SLA: variants seen among roughly 807,000 people sequenced by gnomAD.
The protein encoded by SLA is Src like adaptor, also known as src-like-adapter.
A neutral mutation model predicts 30.3 loss-of-function variants in SLA; 16 were observed. That is an observed-to-expected ratio of 0.53 (90% CI 0.36 to 0.80). The LOEUF (loss-of-function observed/expected upper bound fraction) is 0.80, where lower values mean the gene tolerates loss of function less well. Among genes scored for constraint, SLA ranks in the 30% least tolerant of loss-of-function variants. The pLI is 0.01. For synonymous variants in SLA, 143 were observed against 137.8 expected (o/e 1.04, Z -0.26); for missense variants, 310 against 345.2 (o/e 0.90, Z 0.81).
rs1463704099 is a variant in SLA, at chr8:133,037,936, G to T, written c.*588C>A. The T allele has an allele frequency of 6.5e-6, 1 of 153,336 alleles. No homozygotes were observed. The highest frequency in any genetic ancestry group is 1.5e-5 in the Non-Finnish European group (1 of 68,962). The allele number at this position is 153,336 out of a possible 1,614,324, so 9.5% of individuals were successfully genotyped here. On this transcript the variant is annotated 3_prime_UTR_variant, in exon 9 of 9. Transcript: ENST00000338087. Reference sequence around the variant, plus strand: ...GCTTTGGTGCAGGAGCAGACCAAAGGTATCTCCCAATTGAAGGCTAAGAAG... The same window carrying T: ...GCTTTGGTGCAGGAGCAGACCAAAGTTATCTCCCAATTGAAGGCTAAGAAG...
chr8:133,060,064 C>G, intron 3 of SLA, 36 bp downstream of exon 3: 1 of 1,547,042 alleles, frequency 6.5e-7, no homozygotes, highest in South Asian at 1.3e-5. Flanking sequence ...TCTTGTAGCA[C>G]AGACTCAAGC....
chr8:133,094,840 G>A (rs886108128), intron 1 of SLA: 7 of 685,564 alleles, frequency 1.0e-5, no homozygotes, highest in African/African-American at 8.8e-5. Context: ...CTGAGGCCTA[G>A]AGAGACATCT....
intron 2 of SLA, among the ~76,000 whole-genome samples, chr8:133,072,047 C>A (rs939344364): frequency 6.6e-6 from 1 of 152,154 alleles, no homozygotes; most frequent in East Asian, 1.9e-4. Context: ...AGCTATTTTG[C>A]CCCTAAGCAC....
intron 1 of SLA, among the ~76,000 whole-genome samples, chr8:133,090,879 C>G (rs549632983): frequency 6.6e-6 from 1 of 152,248 alleles, no homozygotes; most frequent in East Asian, 1.9e-4. Flanking sequence ...CCCGCACCCC[C>G]CGGGAACAGA....
chr8:133,039,873 G>T, intron 8 of SLA, 125 bp downstream of exon 8: 1 of 1,456,336 alleles, frequency 6.9e-7, no homozygotes, highest in Non-Finnish European at 9.1e-7. Flanking sequence ...TTTCAGCAGG[G>T]CTGGCTGACT....
chr8:133,096,119 T>A (rs1848370857), intron 1 of SLA: 3 of 1,503,624 alleles, frequency 2.0e-6, no homozygotes, highest in South Asian at 2.3e-5. Flanking sequence ...TAACCAGTAT[T>A]GGCATTCAGT....
chr8:133,089,087 C>T (rs546580628), intron 1 of SLA, among the ~76,000 whole-genome samples: 2 of 152,272 alleles, frequency 1.3e-5, no homozygotes, highest in East Asian at 1.9e-4. Flanking sequence ...GAGGTCGGTG[C>T]GAGGGTGGAG....
Position 133,075,107 on chromosome 8 carries a change from T to C in SLA, c.-295A>G. On this transcript the variant is annotated 5_prime_UTR_variant, in exon 2 of 9. Coordinates refer to ENST00000338087, the MANE Select transcript of SLA (RefSeq NM_001045556.3). ...AGGTTCCTGTTTTCAGTAACCACTC[T>C]GAGCAAGCTTCTCTCTGCAAGGACT... The C allele has an allele frequency of 1.0e-6, 1 of 985,466 alleles. No individual in the cohort carries two copies. The highest frequency in any genetic ancestry group is 1.2e-6 in the Non-Finnish European group (1 of 829,924). 61.0% of individuals were successfully genotyped at this position (985,466 alleles called of 1,614,324 possible).
At chr8:133,079,346 C>T (rs1422149692) in intron 1 of SLA, among the ~76,000 whole-genome samples, 1 of 152,222 alleles carries the variant, frequency 6.6e-6, no homozygotes, top group Non-Finnish European at 1.5e-5. Context: ...GCCAGCCATG[C>T]AAGGATTGAG....
chr8:133,064,097 G>GT (rs1335685924), intron 2 of SLA: 2 of 152,280 alleles, frequency 1.3e-5, no homozygotes, highest in Non-Finnish European at 2.9e-5. Flanking sequence ...TCATAGAATC[G>GT]TAACTGCTAT....
chr8:133,066,042 T>G (rs1033173987), intron 2 of SLA, among the ~76,000 whole-genome samples: 3 of 152,224 alleles, frequency 2.0e-5, no homozygotes, highest in East Asian at 3.9e-4. Context: ...AAGGAATGTT[T>G]TCTAGCCTTT....
At chr8:133,082,490 A>C (rs184033508) in intron 1 of SLA, among the ~76,000 whole-genome samples, 1 of 152,326 alleles carries the variant, frequency 6.6e-6, no homozygotes, top group African/African-American at 2.4e-5. Context: ...GAAGGAGCTC[A>C]CAGATGCCCA....
intron 7 of SLA, among the ~76,000 whole-genome samples, chr8:133,043,625 C>T (rs1423524624): frequency 6.6e-6 from 1 of 152,196 alleles, no homozygotes; most frequent in Non-Finnish European, 1.5e-5. Flanking sequence ...GGGTAGCTGA[C>T]CTTGCCCAAG....
intron 6 of SLA, 120 bp from the exon 7 acceptor site, chr8:133,045,235 T>C: frequency 1.0e-6 from 1 of 978,220 alleles, no homozygotes; most frequent in South Asian, 1.5e-5. Context: ...ACAACAGTGA[T>C]GCTAGGATGC....
chr8:133,086,710 T>G (rs543673168), intron 1 of SLA, among the ~76,000 whole-genome samples: 7 of 152,206 alleles, frequency 4.6e-5, no homozygotes, highest in African/African-American at 1.7e-4. Flanking sequence ...TATTTACAAT[T>G]TGTAATGCAC....
intron 1 of SLA, chr8:133,102,252 A>G: frequency 3.3e-6 from 1 of 307,284 alleles, no homozygotes. Flanking sequence ...TAGTAAACAC[A>G]AATGCATGCT....
At chr8:133,041,446 G>C (rs1214708757) in intron 7 of SLA, among the ~76,000 whole-genome samples, 1 of 152,226 alleles carries the variant, frequency 6.6e-6, no homozygotes, top group Non-Finnish European at 1.5e-5. Flanking sequence ...GGTGCCCTTG[G>C]AGAAATGGGA....
chr8:133,080,763 C>T (rs1588026876), intron 1 of SLA, among the ~76,000 whole-genome samples: 5 of 152,226 alleles, frequency 3.3e-5, no homozygotes, highest in Non-Finnish European at 5.9e-5. Context: ...AAGCCCCTCA[C>T]CTCTTCCTCA....
Position 133,038,581 on chromosome 8 carries a change from A to G in SLA, c.774T>C (p.Tyr258=), listed in dbSNP as rs768731135. 10 of 1,614,164 alleles carry G rather than the reference A, an allele frequency of 6.2e-6. No homozygotes were observed. The Admixed American group carries it at 8.3e-5, about 13-fold the overall frequency. The change falls in exon 9 of 9, where the codon TAT becomes TAC. Residue 258 remains tyrosine (Y), a synonymous_variant. Coordinates refer to ENST00000338087, the MANE Select transcript of SLA (RefSeq NM_001045556.3). ...ATGAGCTCTTTCTCTTGCTGCCACC[A>G]TACATCAGGGAGATGCTTTTCTTCT... ...DRKKKSISLM[Y]GGSKRKSSFF... is the part of the protein sequence containing the mutation.
Sources: allele counts gnomAD v4.1 joint callset (sites outside exome capture counted in the v4.1 genomes callset), GRCh38; gene constraint gnomAD v4.1.1; transcripts MANE v1.5; gene names NCBI Gene and HGNC (gene_info 2026-07-23, HGNC 2026-07-21).